Variants in PLCB4 observed in about 807,000 individuals in gnomAD.
The protein encoded by PLCB4 is 1-phosphatidylinositol 4,5-bisphosphate phosphodiesterase beta-4.
A neutral mutation model predicts 178.8 loss-of-function variants in PLCB4; 77 were observed. The ratio of observed to expected loss-of-function variants is 0.43; its 90% CI spans 0.36 to 0.52. PLCB4 has a LOEUF of 0.52. Among genes scored for constraint, PLCB4 ranks in the 20% least tolerant of loss-of-function variants. The pLI, the probability that PLCB4 is intolerant of heterozygous loss-of-function variation, is 0.00. For missense variants in PLCB4, 1,024 were observed against 1,453.4 expected, an observed-to-expected ratio of 0.70 and a Z score of 4.80; for synonymous variants, 496 against 490.8, an observed-to-expected ratio of 1.01 and a Z score of -0.14.
chr20:9,313,782 C>A lies in PLCB4; in HGVS notation c.84+5884C>A, dbSNP rs141730014. Among the ~76,000 whole-genome samples, 222 of 152,336 alleles carry A rather than the reference C, an allele frequency of 1.5e-3. 1 individual carries two copies. Among genetic ancestry groups the A allele is most frequent in the African/African-American group, 4.8e-3 (199 of 41,590 alleles). On this transcript the variant is annotated intron_variant, in intron 4 of 39. Transcript: ENST00000378473. ...AGCTGTACTCACCGCTATACCACCA[C>A]CACCACTGGCTGGGCTTCTCAGTTT...
intron 3 of PLCB4, among the ~76,000 whole-genome samples, chr20:9,271,072 C>A (rs2094398080): frequency 6.6e-6 from 1 of 152,088 alleles, no homozygotes; most frequent in Admixed American, 6.6e-5. Context: ...TTACAACATT[C>A]TGTTTTAGGT....
intron 28 of PLCB4, among the ~76,000 whole-genome samples, chr20:9,425,797 T>G (rs1053119701): frequency 1.3e-4 from 20 of 152,206 alleles, no homozygotes; most frequent in African/African-American, 4.8e-4. Flanking sequence ...GTCATTTATT[T>G]TATATGTGAA....
chr20:9,103,651 A>G (rs1277284007), intron 2 of PLCB4, among the ~76,000 whole-genome samples: 1 of 152,256 alleles, frequency 6.6e-6, no homozygotes, highest in African/African-American at 2.4e-5. Flanking sequence ...CTTGAGCACA[A>G]AATTTGAGAG....
intron 3 of PLCB4, among the ~76,000 whole-genome samples, chr20:9,232,325 T>G (rs1426166020): frequency 6.6e-6 from 1 of 152,168 alleles, no homozygotes; most frequent in Non-Finnish European, 1.5e-5. Context: ...TTTCTTGTAA[T>G]GCAAGGCATC....
At chr20:9,202,868 G>T (rs1205562707) in intron 2 of PLCB4, among the ~76,000 whole-genome samples, 1 of 151,756 alleles carries the variant, frequency 6.6e-6, no homozygotes, top group Non-Finnish European at 1.5e-5. Flanking sequence ...CTGTCTCAGG[G>T]CTCTGACATC....
At chr20:9,077,648 A>G (rs895184934) in intron 1 of PLCB4, among the ~76,000 whole-genome samples, 15 of 152,344 alleles carry the variant, frequency 9.8e-5, no homozygotes, top group East Asian at 1.9e-4. Flanking sequence ...AGAGAGTTGA[A>G]AATCTATTTT....
chr20:9,267,072 T>G (rs1473094757), intron 3 of PLCB4, among the ~76,000 whole-genome samples: 1 of 152,174 alleles, frequency 6.6e-6, no homozygotes, highest in Non-Finnish European at 1.5e-5. Flanking sequence ...TATATTCTTA[T>G]GTAGCAACTT....
At chr20:9,423,382 C>T (rs1029135187) in intron 27 of PLCB4, among the ~76,000 whole-genome samples, 1 of 152,142 alleles carries the variant, frequency 6.6e-6, no homozygotes, top group Non-Finnish European at 1.5e-5. Flanking sequence ...AGGATTAGAT[C>T]CCCAATTCCC....
chr20:9,176,944 G>T (rs2093165567), intron 2 of PLCB4, among the ~76,000 whole-genome samples: 1 of 152,128 alleles, frequency 6.6e-6, no homozygotes, highest in Non-Finnish European at 1.5e-5. Flanking sequence ...GAACTTCTGG[G>T]ATAAGCAGTG....
chr20:9,357,839 T>A (rs1026578069), intron 7 of PLCB4, among the ~76,000 whole-genome samples: 2 of 152,200 alleles, frequency 1.3e-5, no homozygotes, highest in African/African-American at 4.8e-5. Flanking sequence ...TTTTGTTGTG[T>A]GTCAAACAAA....
chr20:9,386,554 A>C (rs2037680105), intron 14 of PLCB4, among the ~76,000 whole-genome samples: 1 of 152,120 alleles, frequency 6.6e-6, no homozygotes, highest in Non-Finnish European at 1.5e-5. Context: ...TTCCATTTGC[A>C]AACTTCCTCT....
At chr20:9,336,919 G>A (rs1234492906) in intron 4 of PLCB4, among the ~76,000 whole-genome samples, 2 of 152,044 alleles carry the variant, frequency 1.3e-5, no homozygotes, top group African/African-American at 4.8e-5. Flanking sequence ...CCTAGAGCAA[G>A]ATGTTTTATT....
chr20:9,204,242 C>T (rs1299267206), intron 2 of PLCB4, among the ~76,000 whole-genome samples: 1 of 151,372 alleles, frequency 6.6e-6, no homozygotes, highest in African/African-American at 2.4e-5. Flanking sequence ...TTAAAAGATA[C>T]TAAAAGTCTT....
chr20:9,187,058 T>C (rs2147118020), intron 2 of PLCB4, among the ~76,000 whole-genome samples: 1 of 152,172 alleles, frequency 6.6e-6, no homozygotes, highest in South Asian at 2.1e-4. Context: ...TACTGCAAAC[T>C]TCACCTTCTG....
intron 4 of PLCB4, among the ~76,000 whole-genome samples, chr20:9,325,588 A>G (rs993414794): frequency 6.6e-6 from 1 of 152,174 alleles, no homozygotes; most frequent in Non-Finnish European, 1.5e-5. Flanking sequence ...ACAAACCTAG[A>G]CAGATCCGGA....
chr20:9,166,261 C>T (rs2092968441), intron 2 of PLCB4: 1 of 152,070 alleles, frequency 6.6e-6, no homozygotes, highest in Admixed American at 6.6e-5. Context: ...TTTACTCTTC[C>T]TATTATAAAC....
intron 2 of PLCB4, among the ~76,000 whole-genome samples, chr20:9,207,528 T>A (rs992930843): frequency 6.6e-6 from 1 of 152,250 alleles, no homozygotes; most frequent in African/African-American, 2.4e-5. Flanking sequence ...ATTACTATTA[T>A]ACAACTGCTA....
rs868432899 is a variant in PLCB4 at position 9,184,591 on chromosome 20, T to C, written c.-78-32799T>C. On this transcript the variant is annotated intron_variant, in intron 2 of 39. Coordinates refer to ENST00000378473, the MANE Select transcript of PLCB4 (RefSeq NM_001377142.1). ...ACCATTTGAGGGTGGTGACCCAGCA[T>C]TGTGCCTCAAAAAAAAAAAAAAAAA... Among the ~76,000 whole-genome samples the C allele has an allele frequency of 2.0e-4, 23 of 117,050 alleles. No homozygotes were observed. The Middle Eastern group carries it at 0.012, about 60-fold the overall frequency. 76.8% of individuals were successfully genotyped at this position (117,050 alleles called of 152,430 possible).
intron 2 of PLCB4, among the ~76,000 whole-genome samples, chr20:9,132,709 T>A (rs1190726012): frequency 6.6e-6 from 1 of 152,164 alleles, no homozygotes; most frequent in Non-Finnish European, 1.5e-5. Flanking sequence ...ACCACTGCAT[T>A]TCATTCTCTA....
Sources: gnomAD v4.1 joint callset for allele counts (sites outside exome capture counted in the v4.1 genomes callset) on GRCh38, gnomAD v4.1.1 for gene constraint, MANE v1.5 for transcripts, NCBI Gene and HGNC (gene_info 2026-07-23, HGNC 2026-07-21) for gene names.